TSC1: variants seen among roughly 807,000 people sequenced by gnomAD.
TSC1 encodes the protein TSC complex subunit 1.
A neutral mutation model predicts 124.3 loss-of-function variants in TSC1; 20 were observed. That is an observed-to-expected ratio of 0.16 (90% CI 0.11 to 0.23). The LOEUF (loss-of-function observed/expected upper bound fraction) is 0.23. TSC1 is among the 10% of genes least tolerant of loss of function. The pLI is 1.00. For missense variants in TSC1, 1,124 were observed against 1,448.5 expected, an observed-to-expected ratio of 0.78 and a Z score of 3.64; for synonymous variants, 493 against 539.1, an observed-to-expected ratio of 0.91 and a Z score of 1.19.
rs1021974016 is a variant in TSC1 at position 132,892,306 on chromosome 9, T to C, written c.*3929A>G. 1 of 233,272 alleles carries C rather than the reference T, an allele frequency of 4.3e-6. No individual in the cohort carries two copies. Among genetic ancestry groups the C allele is most frequent in the Non-Finnish European group, 8.5e-6 (1 of 118,100 alleles). The allele number at this position is 233,272 out of a possible 1,614,324, so 14.5% of individuals were successfully genotyped here. ...AGTGCAATCAATGCCTTGGGATCTTTGCAGCAATCTGGGGGGCATGTGTCA... is the reference window on the plus strand; with the variant it reads ...AGTGCAATCAATGCCTTGGGATCTTCGCAGCAATCTGGGGGGCATGTGTCA... On this transcript the variant is annotated 3_prime_UTR_variant, in exon 23 of 23. Transcript: ENST00000298552.
At chr9:132,926,687 T>C (rs1273209877) in intron 4 of TSC1, 1 of 72,924 alleles carries the variant, frequency 1.4e-5, no homozygotes, top group Non-Finnish European at 4.1e-5. Context: ...AACAAGATCT[T>C]TTTTTTTTTT....
intron 2 of TSC1, chr9:132,931,199 T>G (rs1413376623): frequency 6.6e-6 from 1 of 152,202 alleles, no homozygotes; most frequent in Non-Finnish European, 1.5e-5. Context: ...TCAATAAAAT[T>G]GTTACTTACC....
rs1376260882 is a variant in TSC1, at chr9:132,921,073, C to T, written c.737+290G>A. ...CAGTCCCCTTGTTTTTAGCCATATGCTTCACCTCCTGCATCGCCCCATCAC... is the reference window on the plus strand; with the variant it reads ...CAGTCCCCTTGTTTTTAGCCATATGTTTCACCTCCTGCATCGCCCCATCAC... On this transcript the variant is annotated intron_variant, in intron 8 of 22. Transcript: ENST00000298552. This position sits in a 1 kb window ranked among gnomAD's most constrained non-coding sequence, Gnocchi z 4.3. 2.0e-5 allele frequency among the ~76,000 whole-genome samples: 3 copies of T among 152,064 alleles called. No individual in the cohort carries two copies. The highest frequency in any genetic ancestry group is 6.5e-5 in the Admixed American group (1 of 15,276).
At chr9:132,929,054 G>A (rs1847056133) in intron 2 of TSC1, 102 bp from the exon 3 acceptor site, 3 of 1,055,350 alleles carry the variant, frequency 2.8e-6, no homozygotes, top group Non-Finnish European at 4.0e-6. Context: ...CAATGCAATG[G>A]AAAGTTTGGC....
At chr9:132,922,179 A>C (rs532946460) in intron 6 of TSC1, among the ~76,000 whole-genome samples, 1 of 152,244 alleles carries the variant, frequency 6.6e-6, no homozygotes, top group Non-Finnish European at 1.5e-5. Flanking sequence ...ATGGCTCCCT[A>C]TAAGTTTTGG....
rs536472664 is a variant in TSC1 at position 132,908,595 on chromosome 9, G to A, written c.1264-1225C>T. On this transcript the variant is annotated intron_variant, in intron 12 of 22. Coordinates refer to ENST00000298552, the MANE Select transcript of TSC1 (RefSeq NM_000368.5). The stretch of plus-strand genomic sequence containing the variant: ...TCCCCGATTAGCTGGGACTACAGAT[G>A]CACATCACCACACCTGGCTTTTTTT... 3.3e-5 allele frequency among the ~76,000 whole-genome samples: 5 copies of A among 151,112 alleles called. No homozygotes were observed. In the South Asian group the frequency reaches 8.4e-4, roughly 25 times the overall value.
At position 132,943,859 on chromosome 9, in the gene TSC1, G is replaced by A. The variant is rs1015264614; in HGVS notation, c.-144+684C>T. 16 of 152,182 alleles carry A rather than the reference G, an allele frequency of 1.1e-4. 1 individual carries two copies. The highest frequency in any genetic ancestry group is 3.9e-4 in the African/African-American group (16 of 41,434). 9.4% of individuals were successfully genotyped at this position (152,182 alleles called of 1,614,324 possible). Reference sequence around the variant, plus strand: ...AGCTTTAATTCTACAAGGTCCCTCCGATTGCAGGCTCTTCATCCTCCAGTT... The same window carrying A: ...AGCTTTAATTCTACAAGGTCCCTCCAATTGCAGGCTCTTCATCCTCCAGTT... On this transcript the variant is annotated intron_variant, in intron 1 of 22. Coordinates refer to ENST00000298552, the MANE Select transcript of TSC1 (RefSeq NM_000368.5).
At chr9:132,938,357 A>G (rs1847568834) in intron 1 of TSC1, among the ~76,000 whole-genome samples, 1 of 152,222 alleles carries the variant, frequency 6.6e-6, no homozygotes, top group Non-Finnish European at 1.5e-5. Context: ...CCAAATTTAA[A>G]AAGAAACCTG....
In TSC1 at chr9:132,928,830, C is replaced by T. The variant is rs1554821020; in HGVS notation, c.43G>A (p.Asp15Asn). ...ANVGELLAML[D>N]SPMLGVRDDV... ...TCCCGCACACCCAGCATGGGGGAGT[C>T]CAGCATGGCAAGAAGCTCCCCGACA... Residue 15 changes from aspartate to asparagine, a missense_variant, in exon 3 of 23, where the codon GAC becomes AAC. Physicochemically the swap from Asp to Asn is conservative, Grantham distance 23. Coordinates refer to ENST00000298552, the MANE Select transcript of TSC1 (RefSeq NM_000368.5). 13 of 1,614,210 alleles carry T rather than the reference C, an allele frequency of 8.1e-6. No homozygotes were observed. In the East Asian group the frequency reaches 2.7e-4, roughly 33 times the overall value.
chr9:132,891,876 G>A lies in TSC1; in HGVS notation c.*4359C>T, dbSNP rs564238927. ...AAACACTGTAAGAGGTGGGGAAAGG[G>A]AGGGAAGGGTTGGTCTGGGGGTTCT... On this transcript the variant is annotated 3_prime_UTR_variant, in exon 23 of 23. Transcript: ENST00000298552. 5.6e-5 allele frequency: 13 copies of A among 233,698 alleles called. No homozygotes were observed. The highest frequency in any genetic ancestry group is 1.8e-4 in the South Asian group (1 of 5,524). The allele number at this position is 233,698 out of a possible 1,614,324, so 14.5% of individuals were successfully genotyped here.
At chr9:132,940,953 C>G (rs1187405806) in intron 1 of TSC1, 2 of 152,168 alleles carry the variant, frequency 1.3e-5, no homozygotes, top group Non-Finnish European at 2.9e-5. Flanking sequence ...ATTAAGGTCA[C>G]TGCCTCTGTT....
At position 132,913,688 on chromosome 9, in the gene TSC1, C is replaced by T. The variant is rs111706838; in HGVS notation, c.738-1231G>A. Among the ~76,000 whole-genome samples the T allele has an allele frequency of 2.6e-3, 388 of 151,430 alleles. 2 individuals carry two copies. The highest frequency in any genetic ancestry group is 7.9e-3 in the African/African-American group (325 of 41,358). On this transcript the variant is annotated intron_variant, in intron 8 of 22. Coordinates refer to ENST00000298552, the MANE Select transcript of TSC1 (RefSeq NM_000368.5). ...AAAAATACAAAAAATTAGCTGGGCG[C>T]GGTGGCGGGCGCCTGTAGTCCCAGC...
chr9:132,932,191 G>A (rs1011499914), intron 2 of TSC1, among the ~76,000 whole-genome samples: 1 of 152,226 alleles, frequency 6.6e-6, no homozygotes, highest in Non-Finnish European at 1.5e-5. Context: ...GTACAGTGCT[G>A]TAGATGATGC....
chr9:132,892,972 G>A lies in TSC1; in HGVS notation c.*3263C>T, dbSNP rs1844847660. ...GGACGGCCCAAGAGTCTGGAGTTTT[G>A]TTCCCTGCTGCCCTGCTTTTACCCA... On this transcript the variant is annotated 3_prime_UTR_variant, in exon 23 of 23. Coordinates refer to ENST00000298552, the MANE Select transcript of TSC1 (RefSeq NM_000368.5). 1 of 233,166 alleles carries A rather than the reference G, an allele frequency of 4.3e-6. No homozygotes were observed. Among genetic ancestry groups the A allele is most frequent in the African/African-American group, 2.2e-5 (1 of 45,336 alleles). The allele number at this position is 233,166 out of a possible 1,614,324, so 14.4% of individuals were successfully genotyped here. A position where few individuals can be genotyped will look rare whatever the true frequency, so the allele number is the denominator to read the frequency against.
rs773667263 is a variant in TSC1, at chr9:132,904,463, A to G, written c.1998-9T>C. ...TGCTGGGTAAAGGCAACCTAGGAAG[A>G]AAGTTTTTGAGTAACAAAGTTACCG... On this transcript the variant is annotated splice_polypyrimidine_tract_variant and intron_variant, in intron 15 of 22. Coordinates refer to ENST00000298552, the MANE Select transcript of TSC1 (RefSeq NM_000368.5). 1 of 1,613,950 alleles carries G rather than the reference A, an allele frequency of 6.2e-7. No homozygotes were observed. The highest frequency in any genetic ancestry group is 1.1e-5 in the South Asian group (1 of 91,080).
intron 2 of TSC1, among the ~76,000 whole-genome samples, chr9:132,931,920 C>T (rs1847224661): frequency 6.6e-6 from 1 of 152,170 alleles, no homozygotes; most frequent in South Asian, 2.1e-4. Context: ...ATGTTAAACA[C>T]ACTTTACAGC....
chr9:132,914,902 A>G (rs1048253660), intron 8 of TSC1, among the ~76,000 whole-genome samples: 4 of 150,950 alleles, frequency 2.6e-5, no homozygotes, highest in East Asian at 2.0e-4. Context: ...TCAGCTGGGC[A>G]TGGTGGCTCA....
intron 1 of TSC1, chr9:132,939,217 A>G (rs1224281204): frequency 1.3e-5 from 2 of 152,246 alleles, no homozygotes; most frequent in African/African-American, 4.8e-5. Context: ...AGACGCCTTC[A>G]GCACAAATGC....
In TSC1 at chr9:132,921,750, CA is replaced by C; in HGVS notation, c.663+68del. ...AAATTTCCCTGTCTGCCGTTAAATA[CA>C]AAAGGTATAAATGCAGCCTATCTAA... On this transcript the variant is annotated intron_variant, in intron 7 of 22. Coordinates refer to ENST00000298552, the MANE Select transcript of TSC1 (RefSeq NM_000368.5). This position sits in a 1 kb window ranked among gnomAD's most constrained non-coding sequence, Gnocchi z 4.3. 1 of 1,593,868 alleles carries C rather than the reference CA, an allele frequency of 6.3e-7. No homozygotes were observed.
Sources: gnomAD v4.1 joint callset for allele counts (sites outside exome capture counted in the v4.1 genomes callset) on GRCh38, gnomAD v4.1.1 for gene constraint, Gnocchi (gnomAD v3.1) non-coding constraint, MANE v1.5 for transcripts, NCBI Gene and HGNC (gene_info 2026-07-23, HGNC 2026-07-21) for gene names.